RILPL1: variants seen among roughly 807,000 people sequenced by gnomAD.
RILPL1 encodes Rab interacting lysosomal protein like 1.
A neutral mutation model predicts 50.3 loss-of-function variants in RILPL1; 33 were observed. That is an observed-to-expected ratio of 0.66 (90% CI 0.50 to 0.88). The LOEUF (loss-of-function observed/expected upper bound fraction) is 0.88, where lower values mean the gene tolerates loss of function less well. Ranked by LOEUF, RILPL1 falls within the 40% of genes least tolerant of loss-of-function variation. The pLI is 0.00. For missense variants in RILPL1, 418 were observed against 542.5 expected, an observed-to-expected ratio of 0.77 and a Z score of 2.28; for synonymous variants, 205 against 228.6, an observed-to-expected ratio of 0.90 and a Z score of 0.93.
Position 123,497,719 on chromosome 12 carries a change from A to AT in RILPL1, c.801+824dup, listed in dbSNP as rs1482422288. Among the ~76,000 whole-genome samples the AT allele has an allele frequency of 4.0e-5, 6 of 151,866 alleles. No individual in the cohort carries two copies. In the East Asian group the frequency reaches 5.8e-4, roughly 15 times the overall value. On this transcript the variant is annotated intron_variant, in intron 4 of 6. Coordinates refer to ENST00000376874, the MANE Select transcript of RILPL1 (RefSeq NM_178314.5). ...AAAGCAAGTTTTTAATTTTTAAAGAATTTTTTGTAGAGATAGGACCTCGCT... is the reference window on the plus strand; with the variant it reads ...AAAGCAAGTTTTTAATTTTTAAAGAATTTTTTTGTAGAGATAGGACCTCGCT...
rs1238016636 is a variant in RILPL1, at chr12:123,485,810, A to G, written c.802-5T>C. ...CTCCTCTCCCACCGGCTCCGTCTGGAGGAGGCAGAGATGCTGCTAATGAAT... is the reference window on the plus strand; with the variant it reads ...CTCCTCTCCCACCGGCTCCGTCTGGGGGAGGCAGAGATGCTGCTAATGAAT... On this transcript the variant is annotated splice_polypyrimidine_tract_variant and splice_region_variant and intron_variant, in intron 4 of 6. Coordinates refer to ENST00000376874, the MANE Select transcript of RILPL1 (RefSeq NM_178314.5). This position sits in a 1 kb window ranked among gnomAD's most constrained non-coding sequence, Gnocchi z 4.0. 2.5e-6 allele frequency: 4 copies of G among 1,599,446 alleles called. No homozygotes were observed. The East Asian group carries it at 9.1e-5, about 36-fold the overall frequency.
rs1882575646 is a variant in RILPL1, at chr12:123,489,846, C to T, written c.802-4041G>A. Among the ~76,000 whole-genome samples, 1 of 152,108 alleles carries T rather than the reference C, an allele frequency of 6.6e-6. No homozygotes were observed. On this transcript the variant is annotated intron_variant, in intron 4 of 6. Transcript: ENST00000376874. The surrounding 1 kb of genome is among the most constrained non-coding windows in gnomAD (Gnocchi z 4.0). The stretch of plus-strand genomic sequence containing the variant: ...TGCAAACTAAGCTCTTAGACCATCC[C>T]AGTGCTGCTGGCCCACATTTTGTTT...
At position 123,512,406 on chromosome 12, in the gene RILPL1, CTGTG is replaced by C. The variant is rs556908598; in HGVS notation, c.460+11085_460+11088del. ...GGTCTGTGTGTGTGGTGTGTGAGGT[CTGTG>C]TGTGTGTGGTGTGTCTGAGGTCTGT... On this transcript the variant is annotated intron_variant, in intron 2 of 6. Transcript: ENST00000376874. 2.0e-3 allele frequency among the ~76,000 whole-genome samples: 134 copies of C among 65,592 alleles called. 1 individual carries two copies. Among genetic ancestry groups the C allele is most frequent in the Middle Eastern group, 0.015 (1 of 66 alleles). The allele number at this position is 65,592 out of a possible 152,430, so 43.0% of individuals were successfully genotyped here.
rs565365887 is a variant in RILPL1, at chr12:123,472,070, C to T, written c.*468G>A. 7 of 167,874 alleles carry T rather than the reference C, an allele frequency of 4.2e-5. No individual in the cohort carries two copies. The highest frequency in any genetic ancestry group is 3.0e-4 in the South Asian group (2 of 6,692). 10.4% of individuals were successfully genotyped at this position (167,874 alleles called of 1,614,324 possible). A position where few individuals can be genotyped will look rare whatever the true frequency, so the allele number is the denominator to read the frequency against. Reference sequence around the variant, plus strand: ...CCTGATGGATACATTCTGTATAATACGTTACCATCACAATTTCATGAATGT... The same window carrying T: ...CCTGATGGATACATTCTGTATAATATGTTACCATCACAATTTCATGAATGT... On this transcript the variant is annotated 3_prime_UTR_variant, in exon 7 of 7. Coordinates refer to ENST00000376874, the MANE Select transcript of RILPL1 (RefSeq NM_178314.5).
intron 2 of RILPL1, among the ~76,000 whole-genome samples, chr12:123,506,941 G>A (rs1883786658): frequency 1.3e-5 from 2 of 152,126 alleles, no homozygotes; most frequent in Admixed American, 1.3e-4. Context: ...CTCCACAAAA[G>A]CCCTAAGACC....
At chr12:123,518,291 G>A (rs1323881153) in intron 2 of RILPL1, 1 of 396,696 alleles carries the variant, frequency 2.5e-6, no homozygotes, top group African/African-American at 2.1e-5. Flanking sequence ...ATTGCTTGAG[G>A]CCGGGAGTTT....
At chr12:123,514,439 A>AT (rs988829644) in intron 2 of RILPL1, 223 of 135,554 alleles carry the variant, frequency 1.6e-3, no homozygotes, top group Middle Eastern at 7.4e-3. Flanking sequence ...AAAAAAAAAA[A>AT]TTTTTTTTTT....
intron 2 of RILPL1, among the ~76,000 whole-genome samples, chr12:123,512,817 GTGTA>G (rs1212900132): frequency 2.1e-5 from 3 of 145,300 alleles, no homozygotes; most frequent in Non-Finnish European, 4.5e-5. Context: ...TGTGAGATCT[GTGTA>G]TGTGTGAGGT....
intron 4 of RILPL1, among the ~76,000 whole-genome samples, chr12:123,490,575 A>G (rs1289573520): frequency 6.6e-6 from 1 of 152,066 alleles, no homozygotes. Context: ...CAAGGTATGC[A>G]AAAGTCCTTA....
In RILPL1 at chr12:123,489,791, C is replaced by T. The variant is rs1882570281; in HGVS notation, c.802-3986G>A. Reference sequence around the variant, plus strand: ...CGAATATGTAGGAGTTCACCAGGAACTCTGGGCATTAGTAGTATAGATCAG... The same window carrying T: ...CGAATATGTAGGAGTTCACCAGGAATTCTGGGCATTAGTAGTATAGATCAG... On this transcript the variant is annotated intron_variant, in intron 4 of 6. Coordinates refer to ENST00000376874, the MANE Select transcript of RILPL1 (RefSeq NM_178314.5). The surrounding 1 kb of genome is among the most constrained non-coding windows in gnomAD (Gnocchi z 4.0). 6.6e-6 allele frequency among the ~76,000 whole-genome samples: 1 copy of T among 152,048 alleles called. No individual in the cohort carries two copies. Among genetic ancestry groups the T allele is most frequent in the Non-Finnish European group, 1.5e-5 (1 of 68,012 alleles).
intron 1 of RILPL1, among the ~76,000 whole-genome samples, chr12:123,525,400 T>TTC (rs71088926): frequency 2.0e-5 from 3 of 149,322 alleles, no homozygotes; most frequent in African/African-American, 7.4e-5. Flanking sequence ...TTTTTTTTTT[T>TTC]AGAGATGGGG....
At chr12:123,479,136 T>C (rs1300434619) in intron 6 of RILPL1, among the ~76,000 whole-genome samples, 1 of 151,658 alleles carries the variant, frequency 6.6e-6, no homozygotes, top group Non-Finnish European at 1.5e-5. Flanking sequence ...AGAAAAGGAA[T>C]GGGTTCAAAT....
At chr12:123,481,312 T>C (rs1318555493) in intron 6 of RILPL1, among the ~76,000 whole-genome samples, 3 of 150,988 alleles carry the variant, frequency 2.0e-5, no homozygotes, top group Non-Finnish European at 1.5e-5. Context: ...TGAGCTGAGA[T>C]TGTGCCACTG....
chr12:123,495,470 G>A (rs1176127992), intron 4 of RILPL1, among the ~76,000 whole-genome samples: 2 of 151,174 alleles, frequency 1.3e-5, no homozygotes, highest in African/African-American at 4.9e-5. Context: ...CGCCTCCTGG[G>A]TTCACGCCAT....
rs1329717610 is a variant in RILPL1 at position 123,470,585 on chromosome 12, A to C, written c.*1953T>G. ...GAGGTCAGGAGTTCGAGACCTCGAGACCAGCCTGGCCAACATGGTGAAACC... is the reference window on the plus strand; with the variant it reads ...GAGGTCAGGAGTTCGAGACCTCGAGCCCAGCCTGGCCAACATGGTGAAACC... On this transcript the variant is annotated 3_prime_UTR_variant, in exon 7 of 7. Coordinates refer to ENST00000376874, the MANE Select transcript of RILPL1 (RefSeq NM_178314.5). 6.6e-6 allele frequency: 1 copy of C among 152,058 alleles called. No individual in the cohort carries two copies. The highest frequency in any genetic ancestry group is 1.5e-5 in the Non-Finnish European group (1 of 68,090). The allele number at this position is 152,058 out of a possible 1,614,324, so 9.4% of individuals were successfully genotyped here. A position where few individuals can be genotyped will look rare whatever the true frequency, so the allele number is the denominator to read the frequency against.
At position 123,472,486 on chromosome 12, in the gene RILPL1, T is replaced by G; in HGVS notation, c.*52A>C. 1 of 1,546,328 alleles carries G rather than the reference T, an allele frequency of 6.5e-7. No individual in the cohort carries two copies. The highest frequency in any genetic ancestry group is 8.7e-7 in the Non-Finnish European group (1 of 1,144,234). ...AATGACCCCTGGGCTGCAGTTCGGT[T>G]GCAGGCGCTGGTGGCGGGCAGTCCA... On this transcript the variant is annotated 3_prime_UTR_variant, in exon 7 of 7. Coordinates refer to ENST00000376874, the MANE Select transcript of RILPL1 (RefSeq NM_178314.5).
intron 2 of RILPL1, among the ~76,000 whole-genome samples, chr12:123,518,579 AATATGAATAT>A (rs1884843123): frequency 6.6e-6 from 1 of 152,132 alleles, no homozygotes; most frequent in Admixed American, 6.6e-5. Flanking sequence ...TTCACAATAG[AATATGAATAT>A]ATACACATAT....
In RILPL1 at chr12:123,502,999, T is replaced by C. The variant is rs944356640; in HGVS notation, c.461-3463A>G. Among the ~76,000 whole-genome samples, 5 of 151,668 alleles carry C rather than the reference T, an allele frequency of 3.3e-5. 1 individual carries two copies. Among genetic ancestry groups the C allele is most frequent in the Admixed American group, 3.3e-4 (5 of 15,196 alleles). ...CCCTCCTGGGTTCCAGTGATTCTCC[T>C]GCCTCAGCCTCCCAAGTAGCTGGGA... On this transcript the variant is annotated intron_variant, in intron 2 of 6. Transcript: ENST00000376874.
intron 4 of RILPL1, among the ~76,000 whole-genome samples, chr12:123,488,993 G>A (rs990910552): frequency 6.6e-6 from 1 of 152,110 alleles, no homozygotes. Flanking sequence ...GGAACCACCC[G>A]GCAGCCACAC....
Sources: allele counts gnomAD v4.1 joint callset (sites outside exome capture counted in the v4.1 genomes callset), GRCh38; gene constraint gnomAD v4.1.1; non-coding constraint Gnocchi (gnomAD v3.1); transcripts MANE v1.5; gene names NCBI Gene and HGNC (gene_info 2026-07-23, HGNC 2026-07-21).